TMEM178B: variants seen among roughly 807,000 people sequenced by gnomAD.
The protein encoded by TMEM178B is transmembrane protein 178B.
Under a neutral mutation model 31.0 loss-of-function variants are expected in TMEM178B, and 5 were observed. That is an observed-to-expected ratio of 0.16 (90% confidence interval 0.08 to 0.34). The LOEUF (loss-of-function observed/expected upper bound fraction) is 0.34. Among genes scored for constraint, TMEM178B ranks in the 10% least tolerant of loss-of-function variants. TMEM178B has a pLI of 1.00. For missense variants in TMEM178B, 275 were observed against 400.3 expected, an observed-to-expected ratio of 0.69 and a Z score of 2.67; for synonymous variants, 164 against 164.0, an observed-to-expected ratio of 1.00 and a Z score of 0.00.
rs1163109383 is a variant in TMEM178B, at chr7:141,171,741, G to A, written c.383-40850G>A. 6.6e-6 allele frequency among the ~76,000 whole-genome samples: 1 copy of A among 152,216 alleles called. No individual in the cohort carries two copies. Among genetic ancestry groups the A allele is most frequent in the Non-Finnish European group, 1.5e-5 (1 of 68,040 alleles). ...CAGGGGGTAGAGAGGCGACAGTTAA[G>A]CAAGGCAGTGTGAACATGTGCAAAT... is the stretch of plus-strand genomic sequence containing the variant. On this transcript the variant is annotated intron_variant, in intron 1 of 3. Coordinates refer to ENST00000565468, the MANE Select transcript of TMEM178B (RefSeq NM_001195278.2). The surrounding 1 kb of genome is among the most constrained non-coding windows in gnomAD (Gnocchi z 4.3).
At chr7:141,157,629 T>A (rs1796094565) in intron 1 of TMEM178B, among the ~76,000 whole-genome samples, 1 of 152,166 alleles carries the variant, frequency 6.6e-6, no homozygotes, top group Non-Finnish European at 1.5e-5. Flanking sequence ...CTGGCAGTCT[T>A]ACTCAAAAAA....
chr7:141,102,245 G>A (rs768456045), intron 1 of TMEM178B, among the ~76,000 whole-genome samples: 5 of 152,152 alleles, frequency 3.3e-5, no homozygotes, highest in African/African-American at 9.7e-5. Context: ...GATAGAGAAA[G>A]TACTGTTTTT....
intron 3 of TMEM178B, among the ~76,000 whole-genome samples, chr7:141,464,705 G>A (rs1802120309): frequency 6.6e-6 from 1 of 152,048 alleles, no homozygotes; most frequent in Non-Finnish European, 1.5e-5. Flanking sequence ...TTGCTGTTCT[G>A]CATACTAGGG....
At chr7:141,260,500 C>T (rs1797995944) in intron 2 of TMEM178B, among the ~76,000 whole-genome samples, 1 of 152,142 alleles carries the variant, frequency 6.6e-6, no homozygotes, top group South Asian at 2.1e-4. Context: ...CCAGAAGTCC[C>T]TCCCCATCCT....
intron 2 of TMEM178B, among the ~76,000 whole-genome samples, chr7:141,407,489 T>G (rs1399569462): frequency 1.3e-5 from 2 of 152,204 alleles, no homozygotes; most frequent in African/African-American, 4.8e-5. Flanking sequence ...ATTAGAATGG[T>G]TCCCAGCATT....
chr7:141,454,091 A>C (rs533542639), intron 3 of TMEM178B, among the ~76,000 whole-genome samples: 1 of 152,254 alleles, frequency 6.6e-6, no homozygotes, highest in African/African-American at 2.4e-5. Flanking sequence ...CCACACTCCC[A>C]GGCACAATTT....
At chr7:141,492,104 C>A in the TMEM178B span, among the ~76,000 whole-genome samples, 1 of 152,310 alleles carries the variant, frequency 6.6e-6, no homozygotes, top group Non-Finnish European at 1.5e-5. Context: ...TGATCCTCAT[C>A]TGCCTACCTC....
Position 141,287,983 on chromosome 7 carries a change from T to C in TMEM178B, c.496+75279T>C, listed in dbSNP as rs866872911. 8.7e-4 allele frequency among the ~76,000 whole-genome samples: 133 copies of C among 152,188 alleles called. 1 individual carries two copies. The highest frequency in any genetic ancestry group is 6.8e-3 in the Middle Eastern group (2 of 294). ...ATTCATCATTTCTTGCTTGTTTTTT[T>C]CCCCCCCAATACGTAGCTCAAAAAT... is the stretch of plus-strand genomic sequence containing the variant. On this transcript the variant is annotated intron_variant, in intron 2 of 3. Transcript: ENST00000565468.
chr7:141,466,047 T>A (rs1802143599), intron 3 of TMEM178B, among the ~76,000 whole-genome samples: 1 of 152,132 alleles, frequency 6.6e-6, no homozygotes, highest in Admixed American at 6.6e-5. Flanking sequence ...TAAAAACATA[T>A]AAATCCTTGC....
intron 2 of TMEM178B, among the ~76,000 whole-genome samples, chr7:141,304,543 G>T (rs927350882): frequency 6.6e-6 from 1 of 152,042 alleles, no homozygotes; most frequent in Non-Finnish European, 1.5e-5. Flanking sequence ...CTTTACTTCT[G>T]CCACCATGGC....
chr7:141,096,641 A>G (rs959163918), intron 1 of TMEM178B, among the ~76,000 whole-genome samples: 2 of 152,200 alleles, frequency 1.3e-5, no homozygotes, highest in Admixed American at 6.5e-5. Context: ...CCCTTCCCTT[A>G]TACTGCACTC....
intron 1 of TMEM178B, among the ~76,000 whole-genome samples, chr7:141,131,387 A>C (rs139784720): frequency 3.3e-4 from 50 of 152,250 alleles, no homozygotes; most frequent in African/African-American, 1.0e-3. Context: ...GTTCTGTTTC[A>C]TATGTGTTAC....
chr7:141,076,014 CTGTT>C (rs1381303068), intron 1 of TMEM178B, among the ~76,000 whole-genome samples: 3 of 152,096 alleles, frequency 2.0e-5, no homozygotes, highest in Admixed American at 6.6e-5. Context: ...CAGAATCTAT[CTGTT>C]TGTTTTATAG....
intron 2 of TMEM178B, among the ~76,000 whole-genome samples, chr7:141,370,877 C>T (rs905788608): frequency 2.6e-5 from 4 of 152,238 alleles, no homozygotes; most frequent in African/African-American, 9.6e-5. Context: ...AGTCATGCGG[C>T]TCAGAAGCCC....
At chr7:141,114,099 T>A (rs1390318593) in intron 1 of TMEM178B, among the ~76,000 whole-genome samples, 1 of 152,224 alleles carries the variant, frequency 6.6e-6, no homozygotes, top group African/African-American at 2.4e-5. Flanking sequence ...GATTAATATG[T>A]GAAGGCCCTA....
chr7:141,467,700 C>G (rs1802169106), intron 3 of TMEM178B, among the ~76,000 whole-genome samples: 1 of 152,114 alleles, frequency 6.6e-6, no homozygotes, highest in African/African-American at 2.4e-5. Context: ...CAGTGCTTGC[C>G]CAGTATCTGG....
intron 2 of TMEM178B, among the ~76,000 whole-genome samples, chr7:141,425,048 A>G (rs1801288410): frequency 6.6e-6 from 1 of 152,208 alleles, no homozygotes; most frequent in African/African-American, 2.4e-5. Context: ...TTCCAAACCT[A>G]CAAAATGAGA....
intron 2 of TMEM178B, among the ~76,000 whole-genome samples, chr7:141,291,787 T>A (rs1446235993): frequency 1.3e-5 from 2 of 151,968 alleles, no homozygotes; most frequent in South Asian, 2.1e-4. Flanking sequence ...CTTCTTACAA[T>A]GAAAAAAAAA....
intron 2 of TMEM178B, chr7:141,416,460 C>G (rs528353656): frequency 6.6e-6 from 1 of 152,598 alleles, no homozygotes; most frequent in South Asian, 2.1e-4. Flanking sequence ...TTGCCTCTTG[C>G]TCCTTTAGGA....
Sources: allele counts gnomAD v4.1 joint callset (sites outside exome capture counted in the v4.1 genomes callset), GRCh38; gene constraint gnomAD v4.1.1; non-coding constraint Gnocchi (gnomAD v3.1); transcripts MANE v1.5; gene names NCBI Gene and HGNC (gene_info 2026-07-23, HGNC 2026-07-21).